Variants in VPS13B observed in about 807,000 individuals in gnomAD.
VPS13B encodes the protein intermembrane lipid transfer protein VPS13B.
VPS13B carries 285 observed loss-of-function variants against 426.4 expected under a neutral mutation model. The observed-to-expected ratio is 0.67, with a 90% CI of 0.61 to 0.74. The LOEUF is 0.74. Among genes scored for constraint, VPS13B ranks in the 30% least tolerant of loss-of-function variants. VPS13B has a pLI of 0.00. For missense variants in VPS13B, 4,537 were observed against 4,782.6 expected (o/e 0.95, Z 1.51); for synonymous variants, 1,676 against 1,676.4 (o/e 1.00, Z 0.01).
At chr8:99,439,503 A>C (rs1817574302) in intron 22 of VPS13B, among the ~76,000 whole-genome samples, 2 of 152,152 alleles carry the variant, frequency 1.3e-5, no homozygotes, top group Admixed American at 6.6e-5. Flanking sequence ...GAAATGCAAC[A>C]TACAATGTTC....
intron 44 of VPS13B, among the ~76,000 whole-genome samples, chr8:99,814,326 C>T (rs1199183526): frequency 6.6e-6 from 1 of 152,152 alleles, no homozygotes; most frequent in East Asian, 1.9e-4. Flanking sequence ...GTTAATGAGG[C>T]AGATACTATT....
chr8:99,031,064 C>A (rs1304280612), intron 2 of VPS13B, among the ~76,000 whole-genome samples: 2 of 152,000 alleles, frequency 1.3e-5, no homozygotes, highest in Non-Finnish European at 2.9e-5. Context: ...CATGTTGTTT[C>A]ATTTAAATCA....
At chr8:99,673,812 A>C (rs1408918124) in intron 35 of VPS13B, among the ~76,000 whole-genome samples, 2 of 151,934 alleles carry the variant, frequency 1.3e-5, no homozygotes, top group African/African-American at 4.8e-5. Flanking sequence ...ACACCATTTC[A>C]TTTGTCTCAA....
At chr8:99,137,206 T>C (rs1810115792) in intron 12 of VPS13B, among the ~76,000 whole-genome samples, 1 of 151,858 alleles carries the variant, frequency 6.6e-6, no homozygotes, top group Admixed American at 6.6e-5. Flanking sequence ...TATTGTATTA[T>C]TTTCTATTTT....
chr8:99,269,342 A>T (rs1382829053), intron 17 of VPS13B, among the ~76,000 whole-genome samples: 1 of 152,212 alleles, frequency 6.6e-6, no homozygotes, highest in Non-Finnish European at 1.5e-5. Flanking sequence ...GACTATGACA[A>T]CAGGATTTGA....
At chr8:99,443,908 G>T (rs1439119581) in intron 23 of VPS13B, among the ~76,000 whole-genome samples, 1 of 152,002 alleles carries the variant, frequency 6.6e-6, no homozygotes, top group African/African-American at 2.4e-5. Context: ...CATCCAAACT[G>T]TCTGCACCAT....
At chr8:99,784,515 G>A (rs750437731) in intron 43 of VPS13B, 39 bp downstream of exon 43, 1 of 1,612,744 alleles carries the variant, frequency 6.2e-7, no homozygotes, top group South Asian at 1.1e-5. Flanking sequence ...CATTGTTAAG[G>A]TTGGGGATTC....
chr8:99,360,537 A>G (rs1206792276), intron 19 of VPS13B, among the ~76,000 whole-genome samples: 1 of 151,760 alleles, frequency 6.6e-6, no homozygotes. Flanking sequence ...TCGGCCTCCT[A>G]AAGTGCTGGG....
chr8:99,828,369 A>G (rs187215118), intron 51 of VPS13B, among the ~76,000 whole-genome samples: 44 of 70,122 alleles, frequency 6.3e-4, no homozygotes, highest in Admixed American at 4.9e-3. Context: ...AGTCTGTTTT[A>G]TCAGAGACTA....
chr8:99,309,187 T>G (rs1463812001), intron 19 of VPS13B, among the ~76,000 whole-genome samples: 1 of 152,214 alleles, frequency 6.6e-6, no homozygotes, highest in Non-Finnish European at 1.5e-5. Context: ...TTAGTTTAGT[T>G]AGATCCCATT....
At chr8:99,554,395 A>G (rs988939567) in intron 30 of VPS13B, among the ~76,000 whole-genome samples, 5 of 152,128 alleles carry the variant, frequency 3.3e-5, no homozygotes, top group African/African-American at 7.2e-5. Flanking sequence ...TTTGCTGGCT[A>G]TCAGAATTTA....
At chr8:99,309,522 T>C (rs1820833791) in intron 19 of VPS13B, among the ~76,000 whole-genome samples, 1 of 152,208 alleles carries the variant, frequency 6.6e-6, no homozygotes, top group Non-Finnish European at 1.5e-5. Flanking sequence ...GAGGGCTCTG[T>C]TCTGTTCCAT....
At chr8:99,655,684 C>G (rs1829996547) in intron 34 of VPS13B, among the ~76,000 whole-genome samples, 1 of 152,212 alleles carries the variant, frequency 6.6e-6, no homozygotes, top group Admixed American at 6.5e-5. Flanking sequence ...CTTTTCCTCA[C>G]TGTACTGTCT....
chr8:99,669,873 T>A (rs1002263715), intron 35 of VPS13B, among the ~76,000 whole-genome samples: 1 of 152,128 alleles, frequency 6.6e-6, no homozygotes, highest in Non-Finnish European at 1.5e-5. Flanking sequence ...ATTTTATAGG[T>A]TACAATGATT....
At chr8:99,240,112 T>G (rs1399773724) in intron 17 of VPS13B, among the ~76,000 whole-genome samples, 1 of 152,210 alleles carries the variant, frequency 6.6e-6, no homozygotes, top group African/African-American at 2.4e-5. Flanking sequence ...ATATTAGGCA[T>G]AGTGCATTCA....
At chr8:99,773,706 G>A (rs1430347754) in intron 40 of VPS13B, among the ~76,000 whole-genome samples, 1 of 152,128 alleles carries the variant, frequency 6.6e-6, no homozygotes, top group Non-Finnish European at 1.5e-5. Flanking sequence ...ATTACTATTT[G>A]AGAGGTCTTG....
At chr8:99,463,672 A>G (rs1332898249) in intron 23 of VPS13B, among the ~76,000 whole-genome samples, 4 of 152,140 alleles carry the variant, frequency 2.6e-5, no homozygotes, top group Non-Finnish European at 5.9e-5. Context: ...TAGAATTAAT[A>G]AACACTTTAT....
chr8:99,861,857 A>G lies in VPS13B; in HGVS notation c.11126A>G (p.Asn3709Ser). 1.9e-6 allele frequency: 3 copies of G among 1,602,002 alleles called. No homozygotes were observed. The highest frequency in any genetic ancestry group is 2.6e-6 in the Non-Finnish European group (3 of 1,174,868). Residue 3709 changes from asparagine to serine, a missense_variant, in exon 58 of 62, where the codon AAC (asparagine) becomes AGC (serine). This residue lies in a region of VPS13B where 4,311 missense variants were observed against 4,474.3 expected (regional missense o/e 0.96). Coordinates refer to ENST00000357162, the MANE Select transcript of VPS13B (RefSeq NM_152564.5). ...CTCTCACTGGATGAGGAGCACTACAACCGGCAGGAGGAGTGGCGGCGGCAG... is the reference window on the plus strand; with the variant it reads ...CTCTCACTGGATGAGGAGCACTACAGCCGGCAGGAGGAGTGGCGGCGGCAG... The part of the protein sequence containing the change: ...DRLSLDEEHY[N>S]RQEEWRRQLP...
chr8:99,460,961 C>G (rs766906949), intron 23 of VPS13B, among the ~76,000 whole-genome samples: 1 of 152,186 alleles, frequency 6.6e-6, no homozygotes, highest in Non-Finnish European at 1.5e-5. Context: ...AACAGTTCTT[C>G]AAGCATAAAT....
Sources: gnomAD v4.1 joint callset for allele counts (sites outside exome capture counted in the v4.1 genomes callset) on GRCh38, gnomAD v4.1.1 for gene constraint, gnomAD v4.1.1 regional missense constraint, MANE v1.5 for transcripts, NCBI Gene and HGNC (gene_info 2026-07-23, HGNC 2026-07-21) for gene names.